Variants in JAZF1 observed in about 807,000 individuals in gnomAD.
JAZF1 encodes juxtaposed with another zinc finger protein 1.
A neutral mutation model predicts 26.4 loss-of-function variants in JAZF1; 8 were observed. The ratio of observed to expected loss-of-function variants is 0.30; its 90% CI spans 0.18 to 0.55. The LOEUF (loss-of-function observed/expected upper bound fraction) is 0.55. JAZF1 is among the 20% of genes least tolerant of loss of function. The pLI, the probability that JAZF1 is intolerant of heterozygous loss-of-function variation, is 0.94. For missense variants in JAZF1, 199 were observed against 322.0 expected (o/e 0.62, Z 2.92); for synonymous variants, 126 against 122.3 (o/e 1.03, Z -0.20).
At chr7:28,000,231 C>T (rs909103070) in intron 1 of JAZF1, among the ~76,000 whole-genome samples, 5 of 152,034 alleles carry the variant, frequency 3.3e-5, no homozygotes, top group African/African-American at 1.2e-4. Flanking sequence ...TGCAGCACCC[C>T]CCCGACCCCC....
At chr7:27,896,485 C>T (rs545982733) in intron 2 of JAZF1, among the ~76,000 whole-genome samples, 3 of 152,156 alleles carry the variant, frequency 2.0e-5, no homozygotes, top group Non-Finnish European at 4.4e-5. Flanking sequence ...ACATTCCATG[C>T]CCCCCAAGGC....
At chr7:28,062,953 C>T (rs979090490) in intron 1 of JAZF1, among the ~76,000 whole-genome samples, 3 of 152,270 alleles carry the variant, frequency 2.0e-5, no homozygotes, top group Middle Eastern at 3.4e-3. Context: ...TAAAAATATG[C>T]CATCTTTTCA....
At chr7:27,841,258 A>C in intron 3 of JAZF1, 10 of 180,078 alleles carry the variant, frequency 5.6e-5, no homozygotes, top group East Asian at 1.5e-4. Context: ...ACACTCCCAA[A>C]TGAGCAGAAC....
rs1318943755 is a variant in JAZF1, at chr7:27,991,973, G to A, written c.124C>T (p.Pro42Ser). The change falls in exon 2 of 5, where the codon CCA becomes TCA. Residue 42 changes from proline (P) to serine (S), a missense_variant. This residue lies in a region of JAZF1 where 137 missense variants were observed against 184.8 expected (regional missense o/e 0.74). Coordinates refer to ENST00000283928, the MANE Select transcript of JAZF1 (RefSeq NM_175061.4). ...AATTCTTGTTTTTCTAAAACCCGTG[G>A]ATCTGTATCTGTAATAAAAACACAA... ...HIEDNHIDTD[P>S]RVLEKQELQQ... 1 of 1,598,086 alleles carries A rather than the reference G, an allele frequency of 6.3e-7. No individual in the cohort carries two copies. Among genetic ancestry groups the A allele is most frequent in the Non-Finnish European group, 8.6e-7 (1 of 1,166,072 alleles).
At chr7:27,933,005 G>C (rs879602398) in intron 2 of JAZF1, among the ~76,000 whole-genome samples, 1 of 152,142 alleles carries the variant, frequency 6.6e-6, no homozygotes, top group Non-Finnish European at 1.5e-5. Context: ...CATAAAGGCA[G>C]GCCAGGAGAT....
chr7:27,855,525 G>C (rs1783232795), intron 3 of JAZF1, among the ~76,000 whole-genome samples: 1 of 152,102 alleles, frequency 6.6e-6, no homozygotes, highest in Non-Finnish European at 1.5e-5. Flanking sequence ...AAATGATAAA[G>C]AGGATATCAC....
At chr7:27,981,195 G>C (rs890528914) in intron 2 of JAZF1, among the ~76,000 whole-genome samples, 1 of 152,170 alleles carries the variant, frequency 6.6e-6, no homozygotes, top group Non-Finnish European at 1.5e-5. Context: ...TCTCAGGTTT[G>C]TAATTATAAT....
At chr7:28,177,627 G>A (rs971026659) in intron 1 of JAZF1, among the ~76,000 whole-genome samples, 7 of 152,246 alleles carry the variant, frequency 4.6e-5, no homozygotes, top group Admixed American at 2.0e-4. Context: ...TAACAAGACT[G>A]TTGAACAAAT....
chr7:28,025,221 T>A (rs558291704), intron 1 of JAZF1, among the ~76,000 whole-genome samples: 13 of 152,342 alleles, frequency 8.5e-5, no homozygotes, highest in Non-Finnish European at 1.9e-4. Context: ...AAATGCCACT[T>A]ACCAATGATA....
At chr7:28,168,253 G>A (rs1783398324) in intron 1 of JAZF1, among the ~76,000 whole-genome samples, 1 of 151,966 alleles carries the variant, frequency 6.6e-6, no homozygotes, top group Non-Finnish European at 1.5e-5. Context: ...GTGGCAGCAG[G>A]CGCCTGTAGT....
At chr7:27,968,101 G>T (rs971631505) in intron 2 of JAZF1, among the ~76,000 whole-genome samples, 1 of 152,152 alleles carries the variant, frequency 6.6e-6, no homozygotes, top group African/African-American at 2.4e-5. Flanking sequence ...TAGTTGTATG[G>T]TATATAACAA....
chr7:27,897,435 G>A (rs1260531074), intron 2 of JAZF1, among the ~76,000 whole-genome samples: 1 of 152,224 alleles, frequency 6.6e-6, no homozygotes, highest in African/African-American at 2.4e-5. Context: ...ATGGGAATGA[G>A]AGTAGGTAAG....
intron 1 of JAZF1, among the ~76,000 whole-genome samples, chr7:28,068,341 G>A (rs1248648607): frequency 6.6e-6 from 1 of 151,794 alleles, no homozygotes; most frequent in Non-Finnish European, 1.5e-5. Context: ...ATATGTAATG[G>A]GCATGCAATT....
intron 2 of JAZF1, among the ~76,000 whole-genome samples, chr7:27,969,180 T>C (rs923724948): frequency 1.3e-5 from 2 of 152,110 alleles, no homozygotes; most frequent in African/African-American, 4.8e-5. Flanking sequence ...CAATTTGAAA[T>C]GAAAGAGTGA....
intron 3 of JAZF1, chr7:27,843,308 T>C (rs1583425653): frequency 6.6e-6 from 1 of 152,350 alleles, no homozygotes; most frequent in East Asian, 1.9e-4. Flanking sequence ...GTTCATGCCT[T>C]TGCTTTCGTT....
At chr7:28,134,832 T>C (rs1219336329) in intron 1 of JAZF1, among the ~76,000 whole-genome samples, 2 of 152,316 alleles carry the variant, frequency 1.3e-5, no homozygotes, top group East Asian at 3.9e-4. Context: ...TTCTATTTTG[T>C]ATTAAGGCTT....
At chr7:27,854,127 C>A (rs966097471) in intron 3 of JAZF1, among the ~76,000 whole-genome samples, 2 of 152,106 alleles carry the variant, frequency 1.3e-5, no homozygotes, top group South Asian at 4.1e-4. Flanking sequence ...TTATGTAATG[C>A]CCTTCTTTGT....
chr7:28,037,269 G>A (rs1035411692), intron 1 of JAZF1, among the ~76,000 whole-genome samples: 1 of 151,604 alleles, frequency 6.6e-6, no homozygotes, highest in African/African-American at 2.4e-5. Context: ...CAAGAGATCT[G>A]CACAGTCAGA....
intron 1 of JAZF1, among the ~76,000 whole-genome samples, chr7:28,109,056 A>C (rs1385762695): frequency 6.6e-6 from 1 of 152,226 alleles, no homozygotes. Context: ...CTGGGGGTGG[A>C]TGGCTGGAGG....
Sources: gnomAD v4.1 joint callset for allele counts (sites outside exome capture counted in the v4.1 genomes callset) on GRCh38, gnomAD v4.1.1 for gene constraint, gnomAD v4.1.1 regional missense constraint, MANE v1.5 for transcripts, NCBI Gene and HGNC (gene_info 2026-07-23, HGNC 2026-07-21) for gene names.